Variants in ULK4 observed in about 807,000 individuals in gnomAD.
ULK4 encodes the protein unc-51 like kinase 4, also known as inactive serine/threonine-protein kinase ULK4.
In ULK4, 133 loss-of-function variants were observed where a neutral mutation model predicts 160.6. The ratio of observed to expected loss-of-function variants is 0.83; its 90% CI spans 0.72 to 0.96. The LOEUF (loss-of-function observed/expected upper bound fraction) is 0.96. Ranked by LOEUF, ULK4 falls within the 40% of genes least tolerant of loss-of-function variation. ULK4 has a pLI of 0.00. For synonymous variants in ULK4, 534 were observed against 539.8 expected, an observed-to-expected ratio of 0.99 and a Z score of 0.15; for missense variants, 1,580 against 1,499.5, an observed-to-expected ratio of 1.05 and a Z score of -0.89.
intron 2 of ULK4, among the ~76,000 whole-genome samples, chr3:41,943,948 C>G (rs1215314904): frequency 6.6e-6 from 1 of 152,150 alleles, no homozygotes; most frequent in Non-Finnish European, 1.5e-5. Flanking sequence ...TTACCTAAAT[C>G]TTTAATAACA....
At chr3:41,658,756 C>CACACAT (rs1273976180) in intron 30 of ULK4, among the ~76,000 whole-genome samples, 1 of 151,856 alleles carries the variant, frequency 6.6e-6, no homozygotes, top group Non-Finnish European at 1.5e-5. Flanking sequence ...CACACACACA[C>CACACAT]ACATATATAC....
intron 35 of ULK4, among the ~76,000 whole-genome samples, chr3:41,312,129 C>CA (rs1380388804): frequency 6.6e-6 from 1 of 151,880 alleles, no homozygotes; most frequent in African/African-American, 2.4e-5. Context: ...TATGTACTAC[C>CA]AAACATGGCT....
intron 32 of ULK4, among the ~76,000 whole-genome samples, chr3:41,465,468 A>G (rs1179510754): frequency 6.6e-6 from 1 of 152,210 alleles, no homozygotes; most frequent in South Asian, 2.1e-4. Flanking sequence ...AACTGTCTCA[A>G]AACTATTTTT....
rs151062749 is a variant in ULK4 at position 41,802,889 on chromosome 3, G to A, written c.1849-2596C>T. On this transcript the variant is annotated intron_variant, in intron 19 of 36. Coordinates refer to ENST00000301831, the MANE Select transcript of ULK4 (RefSeq NM_017886.4). ...TTAAATAAAAAAAGATGTATAGGCT[G>A]GGCGCAGTGGCTCACGCCTGTAATC... is the stretch of plus-strand genomic sequence containing the variant. Among the ~76,000 whole-genome samples the A allele has an allele frequency of 1.6e-4, 24 of 152,260 alleles. No individual in the cohort carries two copies. The East Asian group carries it at 3.1e-3, about 20-fold the overall frequency.
intron 30 of ULK4, among the ~76,000 whole-genome samples, chr3:41,648,998 C>T (rs1389169960): frequency 6.6e-6 from 1 of 152,020 alleles, no homozygotes; most frequent in Non-Finnish European, 1.5e-5. Context: ...CATGGTGGCA[C>T]ATGCCTGTAA....
intron 35 of ULK4, among the ~76,000 whole-genome samples, chr3:41,311,193 ATACTGAG>A (rs1311540299): frequency 6.6e-6 from 1 of 152,160 alleles, no homozygotes; most frequent in Non-Finnish European, 1.5e-5. Context: ...ATCATGGTTA[ATACTGAG>A]TGTCAACTTG....
chr3:41,496,397 C>T (rs1347131759), intron 32 of ULK4, among the ~76,000 whole-genome samples: 1 of 151,962 alleles, frequency 6.6e-6, no homozygotes, highest in Non-Finnish European at 1.5e-5. Flanking sequence ...GACTCTGACT[C>T]CTGAGAGAGG....
intron 32 of ULK4, among the ~76,000 whole-genome samples, chr3:41,547,085 A>C (rs752995903): frequency 6.6e-6 from 1 of 152,240 alleles, no homozygotes; most frequent in Non-Finnish European, 1.5e-5. Context: ...AGTCACTGTC[A>C]TAAGAGAAAG....
intron 18 of ULK4, among the ~76,000 whole-genome samples, chr3:41,826,933 A>G (rs901970867): frequency 7.0e-6 from 1 of 142,752 alleles, no homozygotes; most frequent in Non-Finnish European, 1.5e-5. Context: ...AGCAAATGTA[A>G]AAGAACAGAA....
At chr3:41,590,193 A>G (rs1413287682) in intron 31 of ULK4, among the ~76,000 whole-genome samples, 1 of 151,734 alleles carries the variant, frequency 6.6e-6, no homozygotes, top group Non-Finnish European at 1.5e-5. Context: ...TAGTAGAGAC[A>G]GGGTTTTACC....
intron 31 of ULK4, among the ~76,000 whole-genome samples, chr3:41,614,467 T>C (rs2032860629): frequency 6.6e-6 from 1 of 152,218 alleles, no homozygotes; most frequent in South Asian, 2.1e-4. Context: ...CATATCCATA[T>C]CACTGGTGAA....
At chr3:41,677,620 C>A (rs1348659958) in intron 29 of ULK4, among the ~76,000 whole-genome samples, 1 of 152,098 alleles carries the variant, frequency 6.6e-6, no homozygotes, top group Non-Finnish European at 1.5e-5. Flanking sequence ...TGAGAGCCAC[C>A]GCGCCCGGCC....
At chr3:41,636,041 G>C (rs1237330335) in intron 30 of ULK4, among the ~76,000 whole-genome samples, 1 of 152,082 alleles carries the variant, frequency 6.6e-6, no homozygotes, top group East Asian at 1.9e-4. Context: ...ACCTAGTGGG[G>C]TTTAGAAATC....
At chr3:41,743,489 T>A (rs1027834536) in intron 22 of ULK4, among the ~76,000 whole-genome samples, 1 of 151,754 alleles carries the variant, frequency 6.6e-6, no homozygotes, top group African/African-American at 2.4e-5. Context: ...AAAGAAGTGA[T>A]AATAGAAGGT....
chr3:41,837,339 C>A (rs1164905036), intron 17 of ULK4, among the ~76,000 whole-genome samples: 1 of 152,074 alleles, frequency 6.6e-6, no homozygotes, highest in Admixed American at 6.6e-5. Flanking sequence ...ATAACAAAAG[C>A]CCTCCAGTGT....
chr3:41,906,704 T>C (rs918854087), intron 12 of ULK4, among the ~76,000 whole-genome samples: 5 of 151,694 alleles, frequency 3.3e-5, no homozygotes, highest in African/African-American at 1.2e-4. Flanking sequence ...TGAAAATATA[T>C]GTTAAAAAGG....
intron 30 of ULK4, among the ~76,000 whole-genome samples, chr3:41,630,521 G>A (rs534007115): frequency 7.6e-4 from 116 of 152,214 alleles, no homozygotes; most frequent in Non-Finnish European, 1.4e-3. Context: ...CTGACCTCTA[G>A]ACCACATTTA....
rs1226460785 is a variant in ULK4, at chr3:41,305,727, A to G, written c.3679-56153T>C. Among the ~76,000 whole-genome samples, 32 of 144,600 alleles carry G rather than the reference A, an allele frequency of 2.2e-4. 1 individual carries two copies. The South Asian group carries it at 6.6e-3, about 30-fold the overall frequency. 94.9% of individuals were successfully genotyped at this position (144,600 alleles called of 152,430 possible). A position where few individuals can be genotyped will look rare whatever the true frequency, so the allele number is the denominator to read the frequency against. On this transcript the variant is annotated intron_variant, in intron 35 of 36. Transcript: ENST00000301831. ...CCCTCTGCCTGGCTGCCCAGTCTGGAAAGTGAGGAGCGTCTCTGCCCGGCC... is the reference window on the plus strand; with the variant it reads ...CCCTCTGCCTGGCTGCCCAGTCTGGGAAGTGAGGAGCGTCTCTGCCCGGCC...
rs570474902 is a variant in ULK4, at chr3:41,319,672, C to T, written c.3679-70098G>A. Among the ~76,000 whole-genome samples, 140 of 152,316 alleles carry T rather than the reference C, an allele frequency of 9.2e-4. 3 individuals are homozygous for T. In the South Asian group the frequency reaches 0.028, roughly 31 times the overall value. ...ACATCTAACATTTATTTGGTGTTTA[C>T]CATGTGCCTGATACTTTTCTAAATA... On this transcript the variant is annotated intron_variant, in intron 35 of 36. Transcript: ENST00000301831.
Sources: allele counts gnomAD v4.1 joint callset (sites outside exome capture counted in the v4.1 genomes callset), GRCh38; gene constraint gnomAD v4.1.1; transcripts MANE v1.5; gene names NCBI Gene and HGNC (gene_info 2026-07-23, HGNC 2026-07-21).